The following DRG1 variants were observed in gnomAD, a reference collection of about 807,000 sequenced individuals.
The protein encoded by DRG1 is developmentally regulated GTP binding protein 1, also known as developmentally-regulated GTP-binding protein 1.
DRG1 carries 19 observed loss-of-function variants against 38.8 expected under a neutral mutation model. The observed-to-expected ratio is 0.49, with a 90% CI of 0.34 to 0.72. The LOEUF (loss-of-function observed/expected upper bound fraction) is 0.72. Among genes scored for constraint, DRG1 ranks in the 30% least tolerant of loss-of-function variants. DRG1 has a pLI of 0.01. For synonymous variants in DRG1, 167 were observed against 157.5 expected, an observed-to-expected ratio of 1.06 and a Z score of -0.45; for missense variants, 299 against 444.8, an observed-to-expected ratio of 0.67 and a Z score of 2.95.
At chr22:31,401,258 G>A (rs1292385254) in intron 2 of DRG1, among the ~76,000 whole-genome samples, 29 of 150,450 alleles carry the variant, frequency 1.9e-4, no homozygotes, top group Non-Finnish European at 1.0e-4. Context: ...AGAAATGAGG[G>A]GTCCCCATAG....
At chr22:31,411,130 T>TACTA in intron 4 of DRG1, 49 bp downstream of exon 4, 1 of 1,589,594 alleles carries the variant, frequency 6.3e-7, no homozygotes, top group South Asian at 1.1e-5. Context: ...CCTTCTCTGG[T>TACTA]ACTATTCTTT....
intron 8 of DRG1, among the ~76,000 whole-genome samples, chr22:31,430,317 C>T (rs1266683076): frequency 1.3e-5 from 2 of 152,116 alleles, no homozygotes; most frequent in East Asian, 1.9e-4. Context: ...TCCTCACTAT[C>T]CATCATTTAT....
At chr22:31,420,526 C>A in intron 5 of DRG1, 101 bp downstream of exon 5, 2 of 1,395,616 alleles carry the variant, frequency 1.4e-6, no homozygotes, top group Non-Finnish European at 2.0e-6. Flanking sequence ...CCTGGCTTTT[C>A]CCTGCACTAA....
At chr22:31,402,443 T>C (rs1324676257) in intron 2 of DRG1, among the ~76,000 whole-genome samples, 1 of 151,574 alleles carries the variant, frequency 6.6e-6, no homozygotes, top group Non-Finnish European at 1.5e-5. Context: ...GGCTACACCA[T>C]AGGTAGAGTA....
intron 3 of DRG1, among the ~76,000 whole-genome samples, chr22:31,409,387 C>T (rs764887480): frequency 1.3e-5 from 2 of 152,110 alleles, no homozygotes; most frequent in African/African-American, 4.8e-5. Context: ...CTGGGCCCAG[C>T]CTGAGCAGTC....
chr22:31,406,085 A>G (rs958100959), intron 3 of DRG1, among the ~76,000 whole-genome samples: 4 of 146,002 alleles, frequency 2.7e-5, no homozygotes, highest in South Asian at 2.2e-4. Context: ...GCTCACTCCA[A>G]CCTCCTCCCG....
intron 3 of DRG1, among the ~76,000 whole-genome samples, chr22:31,403,650 T>C (rs909038517): frequency 6.6e-6 from 1 of 152,020 alleles, no homozygotes; most frequent in Admixed American, 6.6e-5. Flanking sequence ...GCCGGGCTAA[T>C]TTTTTGTATT....
intron 8 of DRG1, among the ~76,000 whole-genome samples, chr22:31,432,006 C>G (rs9609283): frequency 6.7e-6 from 1 of 149,824 alleles, no homozygotes; most frequent in Admixed American, 6.7e-5. Flanking sequence ...AGAAACATAT[C>G]GAAGCAAACA....
chr22:31,412,876 CA>C (rs1455968465), intron 4 of DRG1, among the ~76,000 whole-genome samples: 1 of 151,740 alleles, frequency 6.6e-6, no homozygotes, highest in Non-Finnish European at 1.5e-5. Flanking sequence ...TTAGTAGAGA[CA>C]GGGTTTTGCC....
intron 8 of DRG1, among the ~76,000 whole-genome samples, chr22:31,430,278 C>A (rs1288830217): frequency 6.6e-6 from 1 of 152,122 alleles, no homozygotes; most frequent in African/African-American, 2.4e-5. Flanking sequence ...CTTATATACA[C>A]AACTGTATTT....
intron 3 of DRG1, among the ~76,000 whole-genome samples, chr22:31,405,932 C>T (rs2049987840): frequency 6.6e-6 from 1 of 152,068 alleles, no homozygotes; most frequent in African/African-American, 2.4e-5. Flanking sequence ...AGGTGATCCA[C>T]CCGCCTCGGC....
At chr22:31,422,302 C>T (rs1050574047) in intron 5 of DRG1, among the ~76,000 whole-genome samples, 9 of 151,280 alleles carry the variant, frequency 5.9e-5, no homozygotes, top group Admixed American at 2.0e-4. Context: ...CGTGGTGGCA[C>T]GTGCCTGTGA....
chr22:31,399,780 C>T, intron 1 of DRG1, 55 bp downstream of exon 1: 2 of 1,612,548 alleles, frequency 1.2e-6, no homozygotes, highest in East Asian at 4.5e-5. Context: ...TCTTTGGTGG[C>T]GTCGCTCCTT....
chr22:31,409,129 C>T (rs1359737729), intron 3 of DRG1, among the ~76,000 whole-genome samples: 2 of 152,046 alleles, frequency 1.3e-5, no homozygotes, highest in East Asian at 1.9e-4. Flanking sequence ...GAGTCTTACT[C>T]TGTCGCCCAG....
At chr22:31,411,552 C>T (rs1393830383) in intron 4 of DRG1, among the ~76,000 whole-genome samples, 5 of 134,700 alleles carry the variant, frequency 3.7e-5, no homozygotes, top group Non-Finnish European at 7.9e-5. Context: ...TTTTTTGGGA[C>T]AGTGGCTCAC....
chr22:31,416,404 G>T (rs2050044613), intron 4 of DRG1, among the ~76,000 whole-genome samples: 1 of 152,174 alleles, frequency 6.6e-6, no homozygotes, highest in African/African-American at 2.4e-5. Flanking sequence ...TAAATGACCT[G>T]GCCCCTGGCT....
intron 6 of DRG1, among the ~76,000 whole-genome samples, chr22:31,423,863 CTTTTTT>C (rs71202076): frequency 1.7e-5 from 2 of 119,252 alleles, no homozygotes; most frequent in South Asian, 2.7e-4. Context: ...GCTTTGGTTT[CTTTTTT>C]TTTTTTTTTT....
At chr22:31,431,019 T>TTCCCCC (rs2050135563) in intron 8 of DRG1, among the ~76,000 whole-genome samples, 1 of 81,018 alleles carries the variant, frequency 1.2e-5, no homozygotes, top group African/African-American at 5.0e-5. Flanking sequence ...CACCCGGCCT[T>TTCCCCC]CCCCCCCCCC....
chr22:31,423,189 C>T, intron 5 of DRG1, 91 bp from the exon 6 acceptor site: 1 of 1,520,386 alleles, frequency 6.6e-7, no homozygotes. Flanking sequence ...TGCATCTTAG[C>T]TAGAATTTTC....
Sources: gnomAD v4.1 joint callset for allele counts (sites outside exome capture counted in the v4.1 genomes callset) on GRCh38, gnomAD v4.1.1 for gene constraint, MANE v1.5 for transcripts, NCBI Gene and HGNC (gene_info 2026-07-23, HGNC 2026-07-21) for gene names.